Variants in EPC1 observed in about 807,000 individuals in gnomAD.
EPC1 encodes enhancer of polycomb homolog 1.
A neutral mutation model predicts 98.4 loss-of-function variants in EPC1; 12 were observed. The observed-to-expected ratio is 0.12, with a 90% CI of 0.08 to 0.20. The LOEUF is 0.20. Ranked by LOEUF, EPC1 falls within the 10% of genes least tolerant of loss-of-function variation. EPC1 has a pLI of 1.00. For missense variants in EPC1, 729 were observed against 990.5 expected (o/e 0.74, Z 3.54); for synonymous variants, 357 against 363.9 (o/e 0.98, Z 0.21).
At chr10:32,374,216 A>G (rs1839825647) in intron 1 of EPC1, 2 of 152,134 alleles carry the variant, frequency 1.3e-5, no homozygotes, top group African/African-American at 4.8e-5. Flanking sequence ...TACCATTAGA[A>G]ATTATTACAG....
intron 1 of EPC1, among the ~76,000 whole-genome samples, chr10:32,336,720 T>C (rs1837997465): frequency 6.6e-6 from 1 of 152,150 alleles, no homozygotes; most frequent in Non-Finnish European, 1.5e-5. Context: ...ACATGCATCT[T>C]TTCTCATTTA....
intron 2 of EPC1, among the ~76,000 whole-genome samples, chr10:32,302,620 A>G (rs1176677949): frequency 7.3e-6 from 1 of 137,108 alleles, no homozygotes; most frequent in Non-Finnish European, 1.5e-5. Context: ...ACTGCACTCC[A>G]GTCTGGGCAA....
intron 1 of EPC1, among the ~76,000 whole-genome samples, chr10:32,321,065 T>C (rs1194461247): frequency 6.6e-6 from 1 of 152,230 alleles, no homozygotes; most frequent in Non-Finnish European, 1.5e-5. Flanking sequence ...TTAAGGGGGC[T>C]GTATTTTGAC....
In EPC1 at chr10:32,305,818, T is replaced by C; in HGVS notation, c.267A>G (p.Ile89Met). The change falls in exon 2 of 14, where the codon ATA (isoleucine) becomes ATG (methionine). Residue 89 changes from isoleucine to methionine, a missense_variant. This residue lies in a region of EPC1 where 94 missense variants were observed against 125.1 expected (regional missense o/e 0.75). Coordinates refer to ENST00000319778, the MANE Select transcript of EPC1 (RefSeq NM_001272004.3). ...AESNIAYYES[I>M]YPGEFKMPKQ... ...TTGGCATCTTAAATTCCCCAGGATA[T>C]ATAGACTCATAGTAAGCAATATTAC... The C allele has an allele frequency of 6.2e-7, 1 of 1,612,278 alleles. No homozygotes were observed. The highest frequency in any genetic ancestry group is 8.5e-7 in the Non-Finnish European group (1 of 1,179,328).
intron 1 of EPC1, among the ~76,000 whole-genome samples, chr10:32,340,930 TG>T (rs202141536): frequency 3.5e-5 from 3 of 85,010 alleles, no homozygotes; most frequent in South Asian, 3.5e-4. Context: ...AAAAAGTTAT[TG>T]TTATCAATGC....
intron 1 of EPC1, among the ~76,000 whole-genome samples, chr10:32,324,128 A>T (rs113185002): frequency 4.0e-5 from 6 of 151,408 alleles, no homozygotes; most frequent in African/African-American, 1.5e-4. Flanking sequence ...TAGTAAAAAC[A>T]GGGTTTCACC....
At chr10:32,294,930 AC>A (rs1337893605) in intron 2 of EPC1, among the ~76,000 whole-genome samples, 1 of 152,034 alleles carries the variant, frequency 6.6e-6, no homozygotes, top group Non-Finnish European at 1.5e-5. Flanking sequence ...GCAGGCCTTT[AC>A]AAAAATCCCT....
chr10:32,341,689 T>C (rs1180134549), intron 1 of EPC1, among the ~76,000 whole-genome samples: 1 of 152,226 alleles, frequency 6.6e-6, no homozygotes, highest in East Asian at 1.9e-4. Flanking sequence ...CATAGGCATG[T>C]AAAGTGTTCA....
intron 10 of EPC1, chr10:32,281,885 A>G (rs1438825883): frequency 6.6e-6 from 1 of 151,934 alleles, no homozygotes; most frequent in East Asian, 1.9e-4. Context: ...TAGCCAGGCT[A>G]GTGTGGAACT....
intron 2 of EPC1, among the ~76,000 whole-genome samples, chr10:32,294,660 C>T (rs951598669): frequency 2.0e-5 from 3 of 152,276 alleles, no homozygotes; most frequent in Non-Finnish European, 4.4e-5. Flanking sequence ...CTGCAAGAAC[C>T]GCTGCTACTA....
upstream of EPC1, among the ~76,000 whole-genome samples, chr10:32,350,705 A>C (rs186716810): frequency 2.0e-5 from 3 of 152,326 alleles, no homozygotes; most frequent in Admixed American, 2.0e-4. Flanking sequence ...ATATAATAGC[A>C]CAAGAAATGT....
intron 1 of EPC1, among the ~76,000 whole-genome samples, chr10:32,359,795 A>C (rs1182201452): frequency 6.6e-6 from 1 of 152,202 alleles, no homozygotes; most frequent in African/African-American, 2.4e-5. Flanking sequence ...ATACTATATA[A>C]AATTAATTTA....
intron 1 of EPC1, among the ~76,000 whole-genome samples, chr10:32,336,802 A>G (rs1451444859): frequency 2.6e-5 from 4 of 152,208 alleles, no homozygotes. Flanking sequence ...CATTAAATGG[A>G]TCCAGGAGAG....
intron 3 of EPC1, 92 bp downstream of exon 3, chr10:32,293,500 T>C (rs1834966996): frequency 8.3e-7 from 1 of 1,208,080 alleles, no homozygotes; most frequent in African/African-American, 1.5e-5. Context: ...CCTGACTGAT[T>C]ACCCCCAACC....
At chr10:32,336,751 G>GA (rs899590882) in intron 1 of EPC1, among the ~76,000 whole-genome samples, 16 of 147,672 alleles carry the variant, frequency 1.1e-4, no homozygotes, top group African/African-American at 3.2e-4. Context: ...TTTCACAAAG[G>GA]AAAAAAAAAA....
At chr10:32,277,251 TA>T (rs1335393805) in intron 10 of EPC1, among the ~76,000 whole-genome samples, 1 of 152,084 alleles carries the variant, frequency 6.6e-6, no homozygotes, top group Non-Finnish European at 1.5e-5. Context: ...GGGACAGGAT[TA>T]AAAGCTCCAA....
At chr10:32,364,753 C>T (rs1839548925) in intron 1 of EPC1, among the ~76,000 whole-genome samples, 1 of 151,968 alleles carries the variant, frequency 6.6e-6, no homozygotes, top group African/African-American at 2.4e-5. Flanking sequence ...GAAACTATGC[C>T]TTTGGTATTT....
chr10:32,293,235 T>C (rs937385289), intron 3 of EPC1, 41 bp from the exon 4 acceptor site: 2 of 1,416,268 alleles, frequency 1.4e-6, no homozygotes, highest in Non-Finnish European at 2.0e-6. Context: ...ACAATACACA[T>C]ACAAGGTTCA....
chr10:32,341,033 T>A (rs1838309131), intron 1 of EPC1, among the ~76,000 whole-genome samples: 1 of 152,176 alleles, frequency 6.6e-6, no homozygotes, highest in African/African-American at 2.4e-5. Flanking sequence ...ATATCACTTT[T>A]GCCCTTAGAC....
Sources: gnomAD v4.1 joint callset for allele counts (sites outside exome capture counted in the v4.1 genomes callset) on GRCh38, gnomAD v4.1.1 for gene constraint, gnomAD v4.1.1 regional missense constraint, MANE v1.5 for transcripts, NCBI Gene and HGNC (gene_info 2026-07-23, HGNC 2026-07-21) for gene names.